The following MVD variants were observed in gnomAD, a reference collection of about 807,000 sequenced individuals.
MVD encodes diphosphomevalonate decarboxylase.
MVD carries 52 observed loss-of-function variants against 42.4 expected under a neutral mutation model. The ratio of observed to expected loss-of-function variants is 1.23; its 90% CI spans 0.98 to 1.55. MVD has a LOEUF of 1.55. Among genes scored for constraint, MVD ranks in the 40% most tolerant of loss-of-function variants. MVD has a pLI of 0.00. For missense variants in MVD, 663 were observed against 572.1 expected (o/e 1.16, Z -1.62); for synonymous variants, 287 against 243.2 (o/e 1.18, Z -1.68).
chr16:88,662,867 G>A, intron 1 of MVD, 144 bp downstream of exon 1: 1 of 1,440,694 alleles, frequency 6.9e-7, no homozygotes, highest in South Asian at 1.5e-5. Flanking sequence ...GACCACCGCC[G>A]CGCCCCTCCC....
At chr16:88,654,377 G>A (rs377667861) in intron 8 of MVD, among the ~76,000 whole-genome samples, 10 of 152,238 alleles carry the variant, frequency 6.6e-5, no homozygotes, top group Non-Finnish European at 1.0e-4. Flanking sequence ...GAGTGCAGGC[G>A]TGTTTCCTAA....
At position 88,663,082 on chromosome 16, in the gene MVD, G is replaced by C; in HGVS notation, c.-2C>G. The C allele has an allele frequency of 2.5e-6, 4 of 1,608,772 alleles. No individual in the cohort carries two copies. The highest frequency in any genetic ancestry group is 3.4e-6 in the Non-Finnish European group (4 of 1,178,408). The stretch of plus-strand genomic sequence containing the variant: ...CGCCAGCGGCTTCTCCGAGGCCATG[G>C]TCCCACCGCGCAGTGACCCCAGCTC... On this transcript the variant is annotated 5_prime_UTR_variant, in exon 1 of 10. Transcript: ENST00000301012.
intron 6 of MVD, 92 bp downstream of exon 6, chr16:88,655,564 G>C (rs1283674307): frequency 2.6e-6 from 4 of 1,520,490 alleles, no homozygotes. Flanking sequence ...TGCCGCAGGT[G>C]TGAGAACACT....
At chr16:88,660,067 G>T (rs973695337) in intron 1 of MVD, among the ~76,000 whole-genome samples, 1 of 151,984 alleles carries the variant, frequency 6.6e-6, no homozygotes, top group African/African-American at 2.4e-5. Flanking sequence ...CTCCCTGAAG[G>T]AGTGGGGACT....
intron 3 of MVD, 139 bp downstream of exon 3, chr16:88,657,776 C>T (rs1455690809): frequency 5.7e-6 from 7 of 1,236,920 alleles, no homozygotes; most frequent in Non-Finnish European, 3.4e-6. Flanking sequence ...TGCCCTGGAG[C>T]TGGCGGCCCA....
intron 4 of MVD, chr16:88,656,555 A>C: frequency 5.2e-6 from 3 of 573,356 alleles, no homozygotes; most frequent in East Asian, 2.9e-5. Context: ...AGGGCAACAA[A>C]AGGTACCTGC....
In MVD at chr16:88,657,940, C is replaced by G; in HGVS notation, c.231G>C (p.Pro77=). Reference sequence around the variant, plus strand: ...TCTCCCGCAGGCAGGCCTGCAGCCGCGGCTGCCCCACATCCTCCTCCCGGC... The same window carrying G: ...TCTCCCGCAGGCAGGCCTGCAGCCGGGGCTGCCCCACATCCTCCTCCCGGC... ...LNGREEDVGQ[P]RLQACLREIR... Residue 77 remains proline, a synonymous_variant, in exon 3 of 10, where the codon CCG becomes CCC. Transcript: ENST00000301012. 6.2e-7 allele frequency: 1 copy of G among 1,613,740 alleles called. No homozygotes were observed. The highest frequency in any genetic ancestry group is 8.5e-7 in the Non-Finnish European group (1 of 1,180,008).
rs1326930728 is a variant in MVD, at chr16:88,655,188, G to T, written c.897+11C>A. 1.3e-6 allele frequency: 2 copies of T among 1,553,166 alleles called. No individual in the cohort carries two copies. The highest frequency in any genetic ancestry group is 1.7e-4 in the Middle Eastern group (1 of 5,872). Reference sequence around the variant, plus strand: ...CGCGAGCGCAGCCTCTGCCCTCCCGGCCCGCGTCACCTTGGTGTCCCCGTG... The same window carrying T: ...CGCGAGCGCAGCCTCTGCCCTCCCGTCCCGCGTCACCTTGGTGTCCCCGTG... On this transcript the variant is annotated intron_variant, in intron 7 of 9. Coordinates refer to ENST00000301012, the MANE Select transcript of MVD (RefSeq NM_002461.3).
Position 88,652,725 on chromosome 16 carries a change from G to A in MVD, c.1123-120C>T. On this transcript the variant is annotated intron_variant, in intron 9 of 9. Transcript: ENST00000301012. ...GCCCCCGCCCTTCCTGTGGGTCCTGGTCAGAAGGTAAAGCGCCTGAGTGGT... is the reference window on the plus strand; with the variant it reads ...GCCCCCGCCCTTCCTGTGGGTCCTGATCAGAAGGTAAAGCGCCTGAGTGGT... The A allele has an allele frequency of 3.1e-6, 3 of 978,838 alleles. No homozygotes were observed. The South Asian group carries it at 4.9e-5, about 16-fold the overall frequency. 60.6% of individuals were successfully genotyped at this position (978,838 alleles called of 1,614,324 possible). A position where few individuals can be genotyped will look rare whatever the true frequency, so the allele number is the denominator to read the frequency against.
chr16:88,657,700 GGA>G (rs1908023181), intron 3 of MVD, 118 bp from the exon 4 acceptor site: 3 of 1,450,996 alleles, frequency 2.1e-6, no homozygotes, highest in Non-Finnish European at 2.8e-6. Context: ...GACTCCTCGT[GGA>G]GAGTTTCTTA....
rs191276818 is a variant in MVD at position 88,655,511 on chromosome 16, C to G, written c.679-94G>C. On this transcript the variant is annotated intron_variant, in intron 6 of 9. Coordinates refer to ENST00000301012, the MANE Select transcript of MVD (RefSeq NM_002461.3). ...TCCGGGGTTGGAGGCCCGGCTCGAGCCCCATCTCTGCATTTGGCTCCTGCA... is the reference window on the plus strand; with the variant it reads ...TCCGGGGTTGGAGGCCCGGCTCGAGGCCCATCTCTGCATTTGGCTCCTGCA... 5.5e-3 allele frequency: 8,295 copies of G among 1,510,212 alleles called. 42 individuals carry two copies. The highest frequency in any genetic ancestry group is 0.011 in the Middle Eastern group (49 of 4,308). The allele number at this position is 1,510,212 out of a possible 1,614,324, so 93.6% of individuals were successfully genotyped here. A position where few individuals can be genotyped will look rare whatever the true frequency, so the allele number is the denominator to read the frequency against.
chr16:88,655,856 C>T (rs1907888612), intron 5 of MVD, 126 bp from the exon 6 acceptor site: 1 of 1,244,672 alleles, frequency 8.0e-7, no homozygotes, highest in South Asian at 1.4e-5. Context: ...TGCCACCTGC[C>T]TGACCACAGA....
chr16:88,653,086 C>A (rs781463171), intron 9 of MVD, among the ~76,000 whole-genome samples: 4 of 152,334 alleles, frequency 2.6e-5, no homozygotes, highest in Non-Finnish European at 5.9e-5. Context: ...GACTCACCCT[C>A]CCACCCTCAG....
In MVD at chr16:88,657,433, C is replaced by A. The variant is rs761861285; in HGVS notation, c.403+3G>T. On this transcript the variant is annotated splice_donor_region_variant and intron_variant, in intron 4 of 9. Coordinates refer to ENST00000301012, the MANE Select transcript of MVD (RefSeq NM_002461.3). ...ACCCCTGCGGGTCTCTGTGGGCACC[C>A]ACCTAGGCAGGCATAGCCCGCCGCT... is the stretch of plus-strand genomic sequence containing the variant. The A allele has an allele frequency of 5.1e-5, 82 of 1,598,446 alleles. No individual in the cohort carries two copies. In the Middle Eastern group the frequency reaches 1.5e-3, roughly 29 times the overall value.
chr16:88,657,780 C>A, intron 3 of MVD, 135 bp downstream of exon 3: 1 of 1,229,214 alleles, frequency 8.1e-7, no homozygotes, highest in Non-Finnish European at 1.1e-6. Context: ...CTGGAGCTGG[C>A]GGCCCAGCGG....
intron 1 of MVD, 153 bp downstream of exon 1, chr16:88,662,858 A>C: frequency 7.0e-7 from 1 of 1,436,386 alleles, no homozygotes; most frequent in Non-Finnish European, 9.1e-7. Flanking sequence ...GCCCCGCCCG[A>C]CCACCGCCGC....
In MVD at chr16:88,655,415, G is replaced by T; in HGVS notation, c.681C>A (p.Phe227Leu). 1 of 1,567,830 alleles carries T rather than the reference G, an allele frequency of 6.4e-7. No homozygotes were observed. Among genetic ancestry groups the T allele is most frequent in the Non-Finnish European group, 8.6e-7 (1 of 1,161,004 alleles). Residue 227 changes from phenylalanine to leucine, a missense_variant and splice_region_variant, in exon 7 of 10, where the codon TTC becomes TTA. Physicochemically the swap from Phe to Leu is conservative, Grantham distance 22 (BLOSUM62 0). Coordinates refer to ENST00000301012, the MANE Select transcript of MVD (RefSeq NM_002461.3). Reference protein sequence around the residue: ...ASVETSPLLRFRAESVVPARM... With the variant: ...ASVETSPLLRLRAESVVPARM... The stretch of plus-strand genomic sequence containing the variant: ...GCGCGGGCACCACGGACTCGGCCCG[G>T]AACTGCAAGGCACAGGGTGTTTCCC...
intron 1 of MVD, chr16:88,659,029 T>G: frequency 5.3e-6 from 2 of 379,416 alleles, no homozygotes; most frequent in Non-Finnish European, 5.1e-6. Context: ...GCGGCCTGCC[T>G]CCCCTCCACC....
rs1196489891 is a variant in MVD at position 88,656,229 on chromosome 16, C to A, written c.479G>T (p.Cys160Phe). The A allele has an allele frequency of 6.2e-7, 1 of 1,600,334 alleles. No individual in the cohort carries two copies. The highest frequency in any genetic ancestry group is 1.7e-5 in the Admixed American group (1 of 60,012). ...EVARRGSGSACRSLYGGFVEW... is the reference protein window; with the variant it reads ...EVARRGSGSAFRSLYGGFVEW... ...CACAAAGCCCCCATACAGGCTCCGG[C>A]AGGCGCTGCCTGAGCCCCGGCGAGC... is the stretch of plus-strand genomic sequence containing the variant. Residue 160 changes from cysteine (C) to phenylalanine (F), a missense_variant, in exon 5 of 10, where the codon TGC becomes TTC. Coordinates refer to ENST00000301012, the MANE Select transcript of MVD (RefSeq NM_002461.3).
Sources: gnomAD v4.1 joint callset for allele counts (sites outside exome capture counted in the v4.1 genomes callset) on GRCh38, gnomAD v4.1.1 for gene constraint, MANE v1.5 for transcripts, NCBI Gene and HGNC (gene_info 2026-07-23, HGNC 2026-07-21) for gene names.